CNTNAP4: variants seen among roughly 807,000 people sequenced by gnomAD.
The protein encoded by CNTNAP4 is contactin associated protein family member 4, also known as contactin-associated protein-like 4.
Under a neutral mutation model 148.4 loss-of-function variants are expected in CNTNAP4, and 98 were observed. The ratio of observed to expected loss-of-function variants is 0.66; its 90% confidence interval spans 0.56 to 0.78. The LOEUF (loss-of-function observed/expected upper bound fraction) is 0.78. Among genes scored for constraint, CNTNAP4 ranks in the 30% least tolerant of loss-of-function variants. The pLI is 0.00. For missense variants in CNTNAP4, 1,935 were observed against 1,565.6 expected, an observed-to-expected ratio of 1.24 and a Z score of -3.98; for synonymous variants, 730 against 565.1, an observed-to-expected ratio of 1.29 and a Z score of -4.14.
chr16:76,476,095 C>A, intron 11 of CNTNAP4, 50 bp downstream of exon 11: 1 of 1,296,470 alleles, frequency 7.7e-7, no homozygotes, highest in Non-Finnish European at 1.1e-6. Context: ...GTTTCTTTGT[C>A]CCATTTCCCT....
intron 15 of CNTNAP4, among the ~76,000 whole-genome samples, chr16:76,500,881 A>C (rs1291656153): frequency 6.6e-6 from 1 of 152,140 alleles, no homozygotes; most frequent in Non-Finnish European, 1.5e-5. Context: ...AGTGCATTAA[A>C]TATGTATGCT....
intron 12 of CNTNAP4, among the ~76,000 whole-genome samples, chr16:76,481,237 A>C (rs2081816101): frequency 6.6e-6 from 1 of 152,244 alleles, no homozygotes; most frequent in Non-Finnish European, 1.5e-5. Context: ...ACACACACAC[A>C]CAAAATAGAT....
chr16:76,358,545 G>A (rs1249532923), intron 3 of CNTNAP4, among the ~76,000 whole-genome samples: 4 of 152,156 alleles, frequency 2.6e-5, no homozygotes, highest in African/African-American at 7.2e-5. Context: ...TTTAGATTAT[G>A]GAAGGATTAA....
At chr16:76,299,471 C>T (rs942429904) in intron 1 of CNTNAP4, among the ~76,000 whole-genome samples, 19 of 152,072 alleles carry the variant, frequency 1.2e-4, no homozygotes, top group Middle Eastern at 3.4e-3. Context: ...GTTAGAATGG[C>T]GATCATTAAA....
At chr16:76,446,490 G>T (rs1230876884) in intron 4 of CNTNAP4, among the ~76,000 whole-genome samples, 1 of 152,120 alleles carries the variant, frequency 6.6e-6, no homozygotes. Context: ...GATTTTGACA[G>T]ATGTATTGTT....
At chr16:76,286,994 G>C (rs1396166220) in intron 1 of CNTNAP4, among the ~76,000 whole-genome samples, 2 of 152,142 alleles carry the variant, frequency 1.3e-5, no homozygotes, top group Non-Finnish European at 2.9e-5. Context: ...TGATTTCTGT[G>C]CTTATTTGAA....
At chr16:76,286,174 AGTGTGTGTGT>A (rs57003243) in intron 1 of CNTNAP4, among the ~76,000 whole-genome samples, 2,347 of 134,984 alleles carry the variant, frequency 0.017, 56 homozygotes, top group African/African-American at 0.059. Context: ...TAGAATTATC[AGTGTGTGTGT>A]GTGTGTGTGT....
intron 8 of CNTNAP4, among the ~76,000 whole-genome samples, chr16:76,460,652 A>G (rs1351037455): frequency 6.8e-6 from 1 of 146,356 alleles, no homozygotes; most frequent in Non-Finnish European, 1.5e-5. Context: ...AGTCCCAGCT[A>G]CATTGAAGGA....
intron 3 of CNTNAP4, among the ~76,000 whole-genome samples, chr16:76,380,215 G>T (rs2015826707): frequency 6.6e-6 from 1 of 152,118 alleles, no homozygotes; most frequent in South Asian, 2.1e-4. Context: ...ATAATAACTA[G>T]AGGCTTTGTA....
chr16:76,316,665 A>T lies in CNTNAP4; in HGVS notation c.196+142A>T, dbSNP rs1053955048. ...CAAATGGTTAAAACTCATGAGATGT[A>T]TATGACATCTAGCTTCTGTTCTGGA... On this transcript the variant is annotated intron_variant, in intron 2 of 23. Transcript: ENST00000611870. 6.3e-6 allele frequency: 4 copies of T among 634,204 alleles called. No homozygotes were observed. The African/African-American group carries it at 7.3e-5, about 12-fold the overall frequency. The allele number at this position is 634,204 out of a possible 1,614,324, so 39.3% of individuals were successfully genotyped here. A position where few individuals can be genotyped will look rare whatever the true frequency, so the allele number is the denominator to read the frequency against.
At chr16:76,297,648 C>T (rs1038362715) in intron 1 of CNTNAP4, among the ~76,000 whole-genome samples, 3 of 151,958 alleles carry the variant, frequency 2.0e-5, no homozygotes, top group African/African-American at 7.3e-5. Context: ...TTAAATTTAT[C>T]AACATTTACT....
intron 9 of CNTNAP4, 29 bp from the exon 10 acceptor site, chr16:76,467,323 G>A: frequency 1.2e-6 from 2 of 1,600,684 alleles, no homozygotes; most frequent in African/African-American, 1.3e-5. Context: ...TCATTGTGAT[G>A]CGTACTGGAT....
chr16:76,428,380 A>C (rs1483431420), intron 4 of CNTNAP4, among the ~76,000 whole-genome samples: 1 of 151,790 alleles, frequency 6.6e-6, no homozygotes, highest in Non-Finnish European at 1.5e-5. Context: ...ATATGAAATA[A>C]TCTGGAAGAG....
At chr16:76,525,646 C>A (rs910726915) in intron 17 of CNTNAP4, among the ~76,000 whole-genome samples, 2 of 136,892 alleles carry the variant, frequency 1.5e-5, no homozygotes, top group Admixed American at 7.3e-5. Flanking sequence ...TACATATAAA[C>A]TATAAAATTA....
intron 3 of CNTNAP4, among the ~76,000 whole-genome samples, chr16:76,418,534 C>T (rs571888223): frequency 6.6e-6 from 1 of 151,554 alleles, no homozygotes; most frequent in Non-Finnish European, 1.5e-5. Flanking sequence ...TAATTTGTAG[C>T]ATTTCTCTTT....
At chr16:76,441,673 A>G (rs539831863) in intron 4 of CNTNAP4, among the ~76,000 whole-genome samples, 2 of 152,280 alleles carry the variant, frequency 1.3e-5, no homozygotes, top group African/African-American at 4.8e-5. Context: ...TGGCAATGAC[A>G]TTGATAATTA....
intron 3 of CNTNAP4, among the ~76,000 whole-genome samples, chr16:76,399,301 A>C (rs2078321249): frequency 6.6e-6 from 1 of 152,198 alleles, no homozygotes. Flanking sequence ...AATGAAGAAA[A>C]ATTAAGTACC....
chr16:76,453,939 C>T (rs1292557353), intron 8 of CNTNAP4, among the ~76,000 whole-genome samples: 1 of 151,844 alleles, frequency 6.6e-6, no homozygotes, highest in East Asian at 1.9e-4. Flanking sequence ...AATTAATAGG[C>T]CCTGAAAATG....
chr16:76,302,084 A>G (rs1207535894), intron 1 of CNTNAP4, among the ~76,000 whole-genome samples: 1 of 152,100 alleles, frequency 6.6e-6, no homozygotes, highest in East Asian at 1.9e-4. Flanking sequence ...GACCATTACC[A>G]TGGTGACTTA....
Sources: allele counts gnomAD v4.1 joint callset (sites outside exome capture counted in the v4.1 genomes callset), GRCh38; gene constraint gnomAD v4.1.1; transcripts MANE v1.5; gene names NCBI Gene and HGNC (gene_info 2026-07-23, HGNC 2026-07-21).